Variants in MROH9 observed in about 807,000 individuals in gnomAD.
The protein encoded by MROH9 is maestro heat like repeat family member 9.
A neutral mutation model predicts 98.2 loss-of-function variants in MROH9; 92 were observed. The observed-to-expected ratio is 0.94, with a 90% confidence interval of 0.79 to 1.11. MROH9 has a LOEUF of 1.11. MROH9 is among the 50% of genes most tolerant of loss of function. The pLI is 0.00. For missense variants in MROH9, 1,057 were observed against 1,014.8 expected (o/e 1.04, Z -0.57); for synonymous variants, 397 against 368.9 (o/e 1.08, Z -0.87).
At chr1:171,063,340 C>T (rs1380695860) in intron 21 of MROH9, among the ~76,000 whole-genome samples, 1 of 147,792 alleles carries the variant, frequency 6.8e-6, no homozygotes, top group African/African-American at 2.5e-5. Context: ...GCAACCTCTG[C>T]CTCCTGGGTT....
At chr1:171,057,665 A>T (rs983227355) in intron 20 of MROH9, among the ~76,000 whole-genome samples, 1 of 152,224 alleles carries the variant, frequency 6.6e-6, no homozygotes, top group African/African-American at 2.4e-5. Flanking sequence ...ATACATAATC[A>T]TCAGATTCTC....
chr1:171,041,134 C>T (rs2101858316), intron 20 of MROH9, among the ~76,000 whole-genome samples: 1 of 151,774 alleles, frequency 6.6e-6, no homozygotes, highest in African/African-American at 2.4e-5. Flanking sequence ...ATTCTCTTTC[C>T]ACCCTCCCAC....
chr1:170,970,907 C>T (rs902354573), intron 7 of MROH9, among the ~76,000 whole-genome samples: 1 of 152,148 alleles, frequency 6.6e-6, no homozygotes, highest in African/African-American at 2.4e-5. Context: ...TCATCAAAGC[C>T]TCTACCTAGG....
At chr1:171,037,697 C>T (rs2101854977) in intron 20 of MROH9, among the ~76,000 whole-genome samples, 1 of 152,000 alleles carries the variant, frequency 6.6e-6, no homozygotes, top group African/African-American at 2.4e-5. Context: ...CCCTATCATA[C>T]ATCAATATAG....
chr1:170,999,858 T>TCTTGATTA (rs1448975882), intron 15 of MROH9, among the ~76,000 whole-genome samples: 1 of 152,156 alleles, frequency 6.6e-6, no homozygotes, highest in Non-Finnish European at 1.5e-5. Context: ...TTTTTGATTT[T>TCTTGATTA]CTTGATTACT....
chr1:170,981,326 C>T (rs112494539), intron 8 of MROH9, among the ~76,000 whole-genome samples: 1,832 of 152,176 alleles, frequency 0.012, 38 homozygotes, highest in African/African-American at 0.042. Flanking sequence ...TTTATTGCAG[C>T]ACTATTTACA....
chr1:171,027,543 G>T (rs924637880), intron 20 of MROH9, among the ~76,000 whole-genome samples: 3 of 152,166 alleles, frequency 2.0e-5, no homozygotes, highest in Non-Finnish European at 4.4e-5. Context: ...ATAGTAAAAT[G>T]ATTTGTATTC....
intron 15 of MROH9, among the ~76,000 whole-genome samples, chr1:171,011,373 T>C (rs975436911): frequency 6.6e-6 from 1 of 152,240 alleles, no homozygotes; most frequent in Admixed American, 6.5e-5. Context: ...AATATGACTT[T>C]ACATTTTTAT....
intron 17 of MROH9, among the ~76,000 whole-genome samples, chr1:171,020,294 T>C (rs1652474969): frequency 6.6e-6 from 1 of 152,176 alleles, no homozygotes. Context: ...TTCCAAAACC[T>C]GGCAGAGACA....
Position 170,958,478 on chromosome 1 carries a change from C to A in MROH9, c.90C>A (p.Ser30Arg). The change falls in exon 4 of 22, where the codon AGC (serine) becomes AGA (arginine). Residue 30 changes from serine (S) to arginine (R), a missense_variant. Physicochemically the swap from Ser to Arg is moderately radical, Grantham distance 110. Transcript: ENST00000367759. ...KWHHMAHKVN[S>R]LLDAYSGLLS... ...GTACTTAGGCACATAAAGTTAACAG[C>A]CTATTGGATGCATACTCAGGCCTGT... 1 of 1,584,122 alleles carries A rather than the reference C, an allele frequency of 6.3e-7. No homozygotes were observed. Among genetic ancestry groups the A allele is most frequent in the Admixed American group, 1.7e-5 (1 of 59,266 alleles).
intron 17 of MROH9, among the ~76,000 whole-genome samples, chr1:171,018,399 T>C (rs1652401000): frequency 6.7e-6 from 1 of 149,036 alleles, no homozygotes; most frequent in South Asian, 2.1e-4. Flanking sequence ...TATTCAAATG[T>C]CAGCAGCCTC....
intron 3 of MROH9, among the ~76,000 whole-genome samples, chr1:170,955,122 T>A (rs1204818206): frequency 6.6e-6 from 1 of 152,138 alleles, no homozygotes; most frequent in Non-Finnish European, 1.5e-5. Context: ...CTCAACCAGG[T>A]CACTGCAAAT....
intron 2 of MROH9, 49 bp downstream of exon 2, chr1:170,945,630 A>T (rs1325075462): frequency 6.6e-7 from 1 of 1,510,580 alleles, no homozygotes. Context: ...TTTTGTGTAT[A>T]TGTGTGTGTA....
At chr1:170,989,738 T>A (rs1441580665) in intron 10 of MROH9, 117 bp from the exon 11 acceptor site, 2 of 837,344 alleles carry the variant, frequency 2.4e-6, no homozygotes, top group African/African-American at 1.7e-5. Flanking sequence ...ATCTGTATGT[T>A]AGTTGCTGCT....
At chr1:171,062,575 T>A (rs929274335) in intron 21 of MROH9, among the ~76,000 whole-genome samples, 1 of 152,180 alleles carries the variant, frequency 6.6e-6, no homozygotes, top group East Asian at 1.9e-4. Flanking sequence ...AGGGACAGAG[T>A]TGCAAATAAA....
Position 170,971,864 on chromosome 1 carries a change from C to T in MROH9, c.597C>T (p.Tyr199=), listed in dbSNP as rs1444095548. The part of the protein sequence containing the change: ...QASLGMCHLL[Y]IARCQNDIGT... Reference sequence around the variant, plus strand: ...CATTGGGAATGTGTCACCTCCTCTACATTGCACGGTGTCAGAACGGTAAGA... The same window carrying T: ...CATTGGGAATGTGTCACCTCCTCTATATTGCACGGTGTCAGAACGGTAAGA... Residue 199 remains tyrosine (Y), a synonymous_variant, in exon 8 of 22, where the codon TAC becomes TAT. Transcript: ENST00000367759. 6 of 1,614,030 alleles carry T rather than the reference C, an allele frequency of 3.7e-6. No individual in the cohort carries two copies. Among genetic ancestry groups the T allele is most frequent in the African/African-American group, 1.3e-5 (1 of 75,032 alleles).
intron 20 of MROH9, among the ~76,000 whole-genome samples, chr1:171,034,004 G>T (rs1393084402): frequency 6.6e-6 from 1 of 151,938 alleles, no homozygotes; most frequent in Non-Finnish European, 1.5e-5. Flanking sequence ...GATTCCATAA[G>T]AATTCTTCAA....
At chr1:170,976,405 G>A (rs1338522458) in intron 8 of MROH9, among the ~76,000 whole-genome samples, 1 of 152,098 alleles carries the variant, frequency 6.6e-6, no homozygotes, top group African/African-American at 2.4e-5. Flanking sequence ...CACTTAGGAA[G>A]CTTAGTTGAG....
intron 15 of MROH9, among the ~76,000 whole-genome samples, chr1:171,012,767 C>A (rs575449907): frequency 6.6e-6 from 1 of 152,040 alleles, no homozygotes; most frequent in Admixed American, 6.5e-5. Flanking sequence ...CCTCCCAAAG[C>A]GCTGGGATTA....
Sources: allele counts gnomAD v4.1 joint callset (sites outside exome capture counted in the v4.1 genomes callset), GRCh38; gene constraint gnomAD v4.1.1; transcripts MANE v1.5; gene names NCBI Gene and HGNC (gene_info 2026-07-23, HGNC 2026-07-21).